GRID2: variants seen among roughly 807,000 people sequenced by gnomAD.
The protein encoded by GRID2 is glutamate ionotropic receptor delta type subunit 2, also known as glutamate receptor ionotropic, delta-2.
In GRID2, 33 loss-of-function variants were observed where a neutral mutation model predicts 114.8. The ratio of observed to expected loss-of-function variants is 0.29; its 90% CI spans 0.22 to 0.38. GRID2 has a LOEUF of 0.38. Among genes scored for constraint, GRID2 ranks in the 10% least tolerant of loss-of-function variants. The probability of loss-of-function intolerance (pLI) is 1.00; values close to 1 mark genes in which losing one functional copy is unlikely to be tolerated. For synonymous variants in GRID2, 505 were observed against 449.9 expected, an observed-to-expected ratio of 1.12 and a Z score of -1.55; for missense variants, 1,184 against 1,257.7, an observed-to-expected ratio of 0.94 and a Z score of 0.89.
chr4:92,814,443 A>T (rs185133105), intron 2 of GRID2, among the ~76,000 whole-genome samples: 25 of 152,260 alleles, frequency 1.6e-4, no homozygotes, highest in Middle Eastern at 3.4e-3. Flanking sequence ...CAAGGCTGAT[A>T]TCCAAACTTT....
chr4:92,971,315 A>G (rs1258020800), intron 2 of GRID2, among the ~76,000 whole-genome samples: 1 of 152,082 alleles, frequency 6.6e-6, no homozygotes, highest in African/African-American at 2.4e-5. Context: ...TAAATTACAT[A>G]TATTTAGTAC....
At chr4:92,451,545 G>A (rs1415409409) in intron 1 of GRID2, among the ~76,000 whole-genome samples, 1 of 152,114 alleles carries the variant, frequency 6.6e-6, no homozygotes, top group African/African-American at 2.4e-5. Context: ...TAATGAATGT[G>A]CTCAGGGTAG....
chr4:92,545,463 G>T (rs1376115), intron 1 of GRID2, among the ~76,000 whole-genome samples: 33,628 of 152,056 alleles, frequency 0.22, 4,623 homozygotes, highest in African/African-American at 0.39. Flanking sequence ...GTGAATTCAG[G>T]TTAAATTCTA....
chr4:93,573,054 T>A (rs1431499611), intron 13 of GRID2, among the ~76,000 whole-genome samples: 1 of 152,160 alleles, frequency 6.6e-6, no homozygotes, highest in Non-Finnish European at 1.5e-5. Flanking sequence ...CCTAGATCAG[T>A]GCTTAGCACC....
intron 13 of GRID2, among the ~76,000 whole-genome samples, chr4:93,603,183 C>T (rs544718039): frequency 6.6e-6 from 1 of 151,780 alleles, no homozygotes; most frequent in African/African-American, 2.4e-5. Flanking sequence ...GCACTCCAGC[C>T]TAGGGGACAA....
intron 8 of GRID2, among the ~76,000 whole-genome samples, chr4:93,297,339 A>T (rs1215526541): frequency 6.6e-6 from 1 of 152,192 alleles, no homozygotes; most frequent in Admixed American, 6.5e-5. Context: ...ATCGCCATTA[A>T]AGGCATTTAT....
At chr4:93,660,845 C>G (rs1246120623) in intron 14 of GRID2, among the ~76,000 whole-genome samples, 1 of 152,078 alleles carries the variant, frequency 6.6e-6, no homozygotes, top group Admixed American at 6.6e-5. Context: ...CAAAGACAGG[C>G]CCAGATGGAT....
intron 4 of GRID2, among the ~76,000 whole-genome samples, chr4:93,198,878 A>ATAAATCC (rs1230878744): frequency 6.6e-6 from 1 of 152,180 alleles, no homozygotes; most frequent in Non-Finnish European, 1.5e-5. Context: ...GCCTTAGTTC[A>ATAAATCC]TAAATCCTAG....
chr4:93,542,951 A>T (rs1732801109), intron 13 of GRID2, among the ~76,000 whole-genome samples: 1 of 152,086 alleles, frequency 6.6e-6, no homozygotes, highest in Admixed American at 6.6e-5. Flanking sequence ...CAGGTCATGA[A>T]AGCCATCACT....
At chr4:92,435,408 C>A (rs903406815) in intron 1 of GRID2, among the ~76,000 whole-genome samples, 2 of 152,128 alleles carry the variant, frequency 1.3e-5, no homozygotes, top group African/African-American at 2.4e-5. Flanking sequence ...ATAGATGTGC[C>A]TTTTACAGTG....
intron 1 of GRID2, among the ~76,000 whole-genome samples, chr4:92,359,001 A>G (rs925131117): frequency 6.6e-6 from 1 of 151,948 alleles, no homozygotes; most frequent in Non-Finnish European, 1.5e-5. Flanking sequence ...CATAGGCAAC[A>G]TTTTTCTGTA....
chr4:93,245,936 T>A (rs1049328010), intron 8 of GRID2, among the ~76,000 whole-genome samples: 16 of 152,236 alleles, frequency 1.1e-4, no homozygotes, highest in Middle Eastern at 3.2e-3. Flanking sequence ...CTAGTTGCTA[T>A]TCTGACAAGA....
rs955336611 is a variant in GRID2 at position 92,833,067 on chromosome 4, A to C, written c.244+242781A>C. Among the ~76,000 whole-genome samples, 3 of 152,326 alleles carry C rather than the reference A, an allele frequency of 2.0e-5. No individual in the cohort carries two copies. In the South Asian group the frequency reaches 6.2e-4, roughly 32 times the overall value. On this transcript the variant is annotated intron_variant, in intron 2 of 15. Transcript: ENST00000282020. ...ACAGTTGTTTCTTAAAGTATATGCT[A>C]GTGCAAGCCAGAAGCATAGAGGTAA...
intron 1 of GRID2, among the ~76,000 whole-genome samples, chr4:92,402,053 C>T (rs1424657247): frequency 6.6e-6 from 1 of 152,156 alleles, no homozygotes; most frequent in Non-Finnish European, 1.5e-5. Context: ...GGAATTGTCT[C>T]TATCTCAAGA....
intron 11 of GRID2, among the ~76,000 whole-genome samples, chr4:93,476,909 T>A (rs1460456848): frequency 6.6e-6 from 1 of 152,150 alleles, no homozygotes; most frequent in Non-Finnish European, 1.5e-5. Flanking sequence ...AACAAATACA[T>A]TTTTGTTGCA....
chr4:93,156,038 T>C (rs1371418179), intron 4 of GRID2, among the ~76,000 whole-genome samples: 1 of 151,686 alleles, frequency 6.6e-6, no homozygotes, highest in East Asian at 1.9e-4. Flanking sequence ...TACCACAATG[T>C]GATTGTTACA....
At chr4:92,311,937 G>A (rs1725728367) in intron 1 of GRID2, among the ~76,000 whole-genome samples, 2 of 152,004 alleles carry the variant, frequency 1.3e-5, no homozygotes, top group African/African-American at 4.8e-5. Flanking sequence ...AATATATGAT[G>A]TAATGTCAAA....
intron 2 of GRID2, among the ~76,000 whole-genome samples, chr4:92,836,226 T>C (rs1742448699): frequency 6.6e-6 from 1 of 152,114 alleles, no homozygotes; most frequent in Non-Finnish European, 1.5e-5. Flanking sequence ...TTACAGAAAA[T>C]GTTTGCTGGC....
intron 2 of GRID2, among the ~76,000 whole-genome samples, chr4:92,859,349 A>G (rs1057430137): frequency 6.6e-6 from 1 of 152,214 alleles, no homozygotes; most frequent in African/African-American, 2.4e-5. Flanking sequence ...AGACTATAGT[A>G]TAGTATAAAC....
Sources: gnomAD v4.1 joint callset for allele counts (sites outside exome capture counted in the v4.1 genomes callset) on GRCh38, gnomAD v4.1.1 for gene constraint, MANE v1.5 for transcripts, NCBI Gene and HGNC (gene_info 2026-07-23, HGNC 2026-07-21) for gene names.